The following SYT9 variants were observed in gnomAD, a reference collection of about 807,000 sequenced individuals.
The protein encoded by SYT9 is synaptotagmin 9.
A neutral mutation model predicts 48.4 loss-of-function variants in SYT9; 22 were observed. The ratio of observed to expected loss-of-function variants is 0.45; its 90% confidence interval spans 0.32 to 0.65. SYT9 has a LOEUF of 0.65. SYT9 is among the 30% of genes least tolerant of loss of function. SYT9 has a pLI of 0.03. For synonymous variants in SYT9, 265 were observed against 245.0 expected, an observed-to-expected ratio of 1.08 and a Z score of -0.76; for missense variants, 577 against 622.0, an observed-to-expected ratio of 0.93 and a Z score of 0.77.
At chr11:7,452,537 G>A (rs1848074367) in intron 6 of SYT9, among the ~76,000 whole-genome samples, 1 of 152,098 alleles carries the variant, frequency 6.6e-6, no homozygotes. Flanking sequence ...ATCTCACTGG[G>A]GTTTCCACAT....
chr11:7,434,346 G>A (rs1847663190), intron 6 of SYT9, among the ~76,000 whole-genome samples: 1 of 152,192 alleles, frequency 6.6e-6, no homozygotes, highest in Non-Finnish European at 1.5e-5. Flanking sequence ...GATAGTGAGT[G>A]GGGCTCTCTA....
At chr11:7,346,114 G>C (rs1849795106) in intron 3 of SYT9, among the ~76,000 whole-genome samples, 1 of 152,206 alleles carries the variant, frequency 6.6e-6, no homozygotes, top group African/African-American at 2.4e-5. Flanking sequence ...ACTTTCCATA[G>C]AGCAGTAAGG....
chr11:7,250,451 A>ACCC (rs59724555), upstream of SYT9, among the ~76,000 whole-genome samples: 16 of 91,872 alleles, frequency 1.7e-4, no homozygotes, highest in Non-Finnish European at 1.4e-4. Context: ...CCCCCCCGCC[A>ACCC]CCCCCCCCCA....
chr11:7,311,752 C>G (rs1271405016), intron 2 of SYT9, among the ~76,000 whole-genome samples: 1 of 152,216 alleles, frequency 6.6e-6, no homozygotes, highest in Non-Finnish European at 1.5e-5. Flanking sequence ...CTATTCTGAC[C>G]TCTGCATATG....
chr11:7,348,941 G>A (rs530299401), intron 3 of SYT9, among the ~76,000 whole-genome samples: 10 of 152,064 alleles, frequency 6.6e-5, no homozygotes, highest in African/African-American at 2.4e-4. Flanking sequence ...CTCACGCTGA[G>A]GAGGTTGCAG....
chr11:7,446,265 T>A (rs1847928624), intron 6 of SYT9, among the ~76,000 whole-genome samples: 1 of 152,198 alleles, frequency 6.6e-6, no homozygotes, highest in South Asian at 2.1e-4. Context: ...GACTGTACAG[T>A]GAAGATTAAT....
At chr11:7,321,460 A>G (rs1472609920) in intron 3 of SYT9, among the ~76,000 whole-genome samples, 1 of 152,184 alleles carries the variant, frequency 6.6e-6, no homozygotes, top group Non-Finnish European at 1.5e-5. Flanking sequence ...GTGATTGAAG[A>G]TATTTATTAA....
chr11:7,412,583 T>C (rs540774938), intron 3 of SYT9, among the ~76,000 whole-genome samples: 1 of 152,326 alleles, frequency 6.6e-6, no homozygotes, highest in African/African-American at 2.4e-5. Flanking sequence ...GATGCCTGTC[T>C]TTGAGCCCCA....
At chr11:7,341,664 G>A (rs779454195) in intron 3 of SYT9, among the ~76,000 whole-genome samples, 1 of 152,016 alleles carries the variant, frequency 6.6e-6, no homozygotes, top group African/African-American at 2.4e-5. Flanking sequence ...TAAGACAGCG[G>A]CCATGAGACT....
chr11:7,411,925 C>T (rs989286942), intron 3 of SYT9, among the ~76,000 whole-genome samples: 4 of 152,028 alleles, frequency 2.6e-5, no homozygotes, highest in African/African-American at 9.7e-5. Flanking sequence ...TTTTGTCTGA[C>T]TGGATTATTT....
chr11:7,354,167 C>T (rs947285859), intron 3 of SYT9, among the ~76,000 whole-genome samples: 1 of 152,114 alleles, frequency 6.6e-6, no homozygotes, highest in Non-Finnish European at 1.5e-5. Flanking sequence ...AACTTCAGAG[C>T]ACCACATTGC....
At chr11:7,441,536 G>A (rs1018463108) in intron 6 of SYT9, 1 of 152,184 alleles carries the variant, frequency 6.6e-6, no homozygotes, top group Non-Finnish European at 1.5e-5. Context: ...TTAAGGATGG[G>A]GGGTTCCGGG....
intron 6 of SYT9, chr11:7,450,348 G>A (rs1029194197): frequency 8.5e-5 from 13 of 152,182 alleles, no homozygotes; most frequent in African/African-American, 3.1e-4. Flanking sequence ...ATGACAACAT[G>A]CCAGTTCCAC....
chr11:7,417,258 G>A (rs1847270659), intron 4 of SYT9, among the ~76,000 whole-genome samples: 1 of 152,126 alleles, frequency 6.6e-6, no homozygotes, highest in Non-Finnish European at 1.5e-5. Context: ...GCAATGCATG[G>A]TTATGCAGGT....
At chr11:7,413,879 C>T (rs904330562) in intron 3 of SYT9, among the ~76,000 whole-genome samples, 9 of 151,900 alleles carry the variant, frequency 5.9e-5, no homozygotes, top group South Asian at 2.1e-4. Flanking sequence ...ATTGTAGGCA[C>T]GAGCCACTGC....
intron 1 of SYT9, among the ~76,000 whole-genome samples, chr11:7,297,499 C>T (rs1022533964): frequency 1.3e-5 from 2 of 152,074 alleles, no homozygotes; most frequent in Non-Finnish European, 2.9e-5. Flanking sequence ...ATTTTTAGTT[C>T]AAAACATTTC....
At chr11:7,440,394 A>T (rs549793095) in intron 6 of SYT9, 2 of 152,340 alleles carry the variant, frequency 1.3e-5, no homozygotes, top group South Asian at 4.1e-4. Context: ...TGTAAAAAAA[A>T]TGCTGTGTTT....
At chr11:7,255,359 A>G (rs535967738) in intron 1 of SYT9, among the ~76,000 whole-genome samples, 16 of 144,858 alleles carry the variant, frequency 1.1e-4, no homozygotes, top group African/African-American at 3.8e-4. Context: ...GAGAGGGTGG[A>G]TCATGCAGAG....
intron 1 of SYT9, among the ~76,000 whole-genome samples, chr11:7,263,544 G>T (rs1212871006): frequency 6.6e-6 from 1 of 152,154 alleles, no homozygotes; most frequent in East Asian, 1.9e-4. Flanking sequence ...AGAAGTCAGA[G>T]AAATGTGCAG....
Sources: gnomAD v4.1 joint callset for allele counts (sites outside exome capture counted in the v4.1 genomes callset) on GRCh38, gnomAD v4.1.1 for gene constraint, MANE v1.5 for transcripts, NCBI Gene and HGNC (gene_info 2026-07-23, HGNC 2026-07-21) for gene names.